The following SEMA3A variants were observed in gnomAD, a reference collection of about 807,000 sequenced individuals.
The protein encoded by SEMA3A is semaphorin 3A, also known as semaphorin-3A.
Under a neutral mutation model 97.9 loss-of-function variants are expected in SEMA3A, and 29 were observed. That is an observed-to-expected ratio of 0.30 (90% confidence interval 0.22 to 0.40). The LOEUF (loss-of-function observed/expected upper bound fraction) is 0.40. Ranked by LOEUF, SEMA3A falls within the 10% of genes least tolerant of loss-of-function variation. The probability of loss-of-function intolerance (pLI) is 1.00; values close to 1 mark genes in which losing one functional copy is unlikely to be tolerated. For synonymous variants in SEMA3A, 321 were observed against 323.7 expected (o/e 0.99, Z 0.09); for missense variants, 763 against 951.3 (o/e 0.80, Z 2.60).
At chr7:84,313,840 T>C (rs1324429379) in intron 2 of SEMA3A, among the ~76,000 whole-genome samples, 1 of 152,030 alleles carries the variant, frequency 6.6e-6, no homozygotes, top group Non-Finnish European at 1.5e-5. Context: ...TCTTTGGGAA[T>C]AAATCAAGTT....
intron 4 of SEMA3A, among the ~76,000 whole-genome samples, chr7:84,092,157 GA>G (rs1794624041): frequency 6.6e-6 from 1 of 152,138 alleles, no homozygotes; most frequent in South Asian, 2.1e-4. Flanking sequence ...CTCAACCTTT[GA>G]AATACCTGAT....
At chr7:84,108,834 G>A (rs984523340) in intron 4 of SEMA3A, among the ~76,000 whole-genome samples, 4 of 151,020 alleles carry the variant, frequency 2.6e-5, no homozygotes, top group Non-Finnish European at 5.9e-5. Flanking sequence ...GTACCTGGGA[G>A]GCAGAGGTTG....
chr7:84,316,892 TG>T (rs1273107259), intron 2 of SEMA3A, among the ~76,000 whole-genome samples: 7 of 152,100 alleles, frequency 4.6e-5, no homozygotes, highest in African/African-American at 1.7e-4. Context: ...TTTCTAAAAA[TG>T]GAAAAGGTGA....
chr7:84,154,986 G>T (rs1562818850), intron 1 of SEMA3A, among the ~76,000 whole-genome samples: 1 of 152,070 alleles, frequency 6.6e-6, no homozygotes. Flanking sequence ...GAAGCAGCAT[G>T]TCTAAAGTGC....
At chr7:84,205,911 C>G (rs761990763) in intron 3 of SEMA3A, among the ~76,000 whole-genome samples, 9 of 152,184 alleles carry the variant, frequency 5.9e-5, no homozygotes, top group Non-Finnish European at 1.2e-4. Flanking sequence ...TCGAATGTCA[C>G]TAATTATTTT....
At chr7:84,463,489 C>A (rs1352578914) in intron 1 of SEMA3A, among the ~76,000 whole-genome samples, 3 of 152,006 alleles carry the variant, frequency 2.0e-5, no homozygotes, top group Non-Finnish European at 1.5e-5. Flanking sequence ...ACCTCGTGAT[C>A]CGCCCACCTT....
intron 1 of SEMA3A, among the ~76,000 whole-genome samples, chr7:84,420,983 A>G (rs1804574563): frequency 6.6e-6 from 1 of 151,826 alleles, no homozygotes; most frequent in South Asian, 2.1e-4. Flanking sequence ...TTGTGTCTCT[A>G]TCTCCTTCAG....
intron 1 of SEMA3A, among the ~76,000 whole-genome samples, chr7:84,475,214 C>T (rs1228971): frequency 0.36 from 54,458 of 151,720 alleles, 10,072 homozygotes; most frequent in East Asian, 0.44. Flanking sequence ...CTGAAATTTC[C>T]TAACAATAAT....
chr7:84,442,747 G>T (rs552723609), intron 1 of SEMA3A, among the ~76,000 whole-genome samples: 7 of 152,014 alleles, frequency 4.6e-5, no homozygotes, highest in African/African-American at 7.2e-5. Context: ...TGGATCCAAA[G>T]ATTAAAATGG....
At chr7:84,408,997 A>T (rs1469066286) in intron 1 of SEMA3A, among the ~76,000 whole-genome samples, 1 of 151,678 alleles carries the variant, frequency 6.6e-6, no homozygotes, top group Non-Finnish European at 1.5e-5. Flanking sequence ...ATACATATGT[A>T]ACAAAACTGC....
chr7:84,236,467 T>C (rs56672504), intron 3 of SEMA3A, among the ~76,000 whole-genome samples: 2,752 of 152,252 alleles, frequency 0.018, 85 homozygotes, highest in African/African-American at 0.063. Flanking sequence ...ATTGCCTCTC[T>C]TTGCAAGAGA....
At chr7:84,092,899 TTC>T (rs985269087) in intron 4 of SEMA3A, among the ~76,000 whole-genome samples, 2 of 152,118 alleles carry the variant, frequency 1.3e-5, no homozygotes, top group African/African-American at 4.8e-5. Context: ...TAAATTTATT[TTC>T]TGTTAGGTCA....
intron 15 of SEMA3A, among the ~76,000 whole-genome samples, chr7:83,966,909 C>T (rs1382282000): frequency 6.6e-6 from 1 of 151,922 alleles, no homozygotes; most frequent in Non-Finnish European, 1.5e-5. Context: ...CAGGGTTTCT[C>T]CATGTTGGTT....
chr7:83,989,026 CAG>C (rs1162794371), intron 12 of SEMA3A, among the ~76,000 whole-genome samples: 1 of 151,928 alleles, frequency 6.6e-6, no homozygotes, highest in East Asian at 1.9e-4. Flanking sequence ...ATAACCAAAA[CAG>C]AAATTTTAGA....
At chr7:84,159,279 C>T (rs1287062549) in intron 1 of SEMA3A, among the ~76,000 whole-genome samples, 1 of 152,014 alleles carries the variant, frequency 6.6e-6, no homozygotes, top group Non-Finnish European at 1.5e-5. Flanking sequence ...CATTTTAGTG[C>T]TTAATACAAT....
At chr7:84,418,521 C>A (rs978592931) in intron 1 of SEMA3A, among the ~76,000 whole-genome samples, 3 of 151,992 alleles carry the variant, frequency 2.0e-5, no homozygotes, top group Non-Finnish European at 2.9e-5. Flanking sequence ...CACCCACCCT[C>A]AATGTGGGTG....
intron 3 of SEMA3A, among the ~76,000 whole-genome samples, chr7:84,267,585 T>C (rs1418526499): frequency 6.6e-6 from 1 of 152,096 alleles, no homozygotes; most frequent in Non-Finnish European, 1.5e-5. Context: ...CTTGAAAATA[T>C]ATACAGTTTT....
intron 4 of SEMA3A, among the ~76,000 whole-genome samples, chr7:84,088,576 T>C (rs1233648653): frequency 1.3e-5 from 2 of 152,216 alleles, no homozygotes; most frequent in Non-Finnish European, 2.9e-5. Context: ...TATCATAATA[T>C]TGTAAAAATG....
At chr7:84,395,428 C>G (rs771501905) in intron 1 of SEMA3A, among the ~76,000 whole-genome samples, 9 of 151,344 alleles carry the variant, frequency 5.9e-5, no homozygotes, top group Non-Finnish European at 1.3e-4. Context: ...TATTAACTAT[C>G]TTAGAAAATA....
Sources: gnomAD v4.1 joint callset for allele counts (sites outside exome capture counted in the v4.1 genomes callset) on GRCh38, gnomAD v4.1.1 for gene constraint, MANE v1.5 for transcripts, NCBI Gene and HGNC (gene_info 2026-07-23, HGNC 2026-07-21) for gene names.